Variants in ARHGAP24 observed in about 807,000 individuals in gnomAD.
ARHGAP24 encodes rho GTPase-activating protein 24.
In ARHGAP24, 50 loss-of-function variants were observed where a neutral mutation model predicts 76.4. That is an observed-to-expected ratio of 0.65 (90% CI 0.52 to 0.83). The LOEUF (loss-of-function observed/expected upper bound fraction) is 0.83, where lower values mean the gene tolerates loss of function less well. ARHGAP24 is among the 40% of genes least tolerant of loss of function. ARHGAP24 has a pLI of 0.00. For missense variants in ARHGAP24, 930 were observed against 914.2 expected (o/e 1.02, Z -0.22); for synonymous variants, 345 against 323.3 (o/e 1.07, Z -0.72).
chr4:85,705,442 G>A lies in ARHGAP24; in HGVS notation c.181-16443G>A, dbSNP rs59598592. Among the ~76,000 whole-genome samples, 1,490 of 152,178 alleles carry A rather than the reference G, an allele frequency of 9.8e-3. 25 individuals are homozygous for A. Among genetic ancestry groups the A allele is most frequent in the African/African-American group, 0.033 (1,384 of 41,522 alleles). ...GACTTGCATGCATGTAAATATTCACGTGGGAAGTGACTACACACTCACTGT... is the reference window on the plus strand; with the variant it reads ...GACTTGCATGCATGTAAATATTCACATGGGAAGTGACTACACACTCACTGT... On this transcript the variant is annotated intron_variant, in intron 2 of 9. Transcript: ENST00000395184.
chr4:85,833,179 C>G (rs905300157), intron 3 of ARHGAP24, among the ~76,000 whole-genome samples: 3 of 152,196 alleles, frequency 2.0e-5, no homozygotes, highest in Admixed American at 1.3e-4. Context: ...TACCATCACT[C>G]TCTCTGGTAT....
At chr4:85,866,051 TTGTC>T (rs1205408137) in intron 3 of ARHGAP24, among the ~76,000 whole-genome samples, 1 of 152,146 alleles carries the variant, frequency 6.6e-6, no homozygotes, top group Non-Finnish European at 1.5e-5. Flanking sequence ...TTGAATGAGA[TTGTC>T]TGAGATTCTC....
Position 85,502,383 on chromosome 4 carries a change from T to A in ARHGAP24, c.-21+26824T>A, listed in dbSNP as rs564302790. Among the ~76,000 whole-genome samples the A allele has an allele frequency of 1.1e-4, 17 of 152,326 alleles. No homozygotes were observed. In the East Asian group the frequency reaches 2.3e-3, roughly 21 times the overall value. On this transcript the variant is annotated intron_variant, in intron 1 of 9. Coordinates refer to ENST00000395184, the MANE Select transcript of ARHGAP24 (RefSeq NM_001025616.3). ...TGGAATGTTCTTCCATTTGTTTGTGTCCTCTTTTATTTTGTTGAGCAGTGG... is the reference window on the plus strand; with the variant it reads ...TGGAATGTTCTTCCATTTGTTTGTGACCTCTTTTATTTTGTTGAGCAGTGG...
chr4:85,882,191 G>A (rs1480912380), intron 3 of ARHGAP24, among the ~76,000 whole-genome samples: 1 of 152,084 alleles, frequency 6.6e-6, no homozygotes, highest in Admixed American at 6.5e-5. Flanking sequence ...ATATATTTGA[G>A]TTCCAAATCT....
chr4:85,874,782 A>G (rs1225582446), intron 3 of ARHGAP24, among the ~76,000 whole-genome samples: 1 of 58,702 alleles, frequency 1.7e-5, no homozygotes, highest in Non-Finnish European at 2.9e-5. Flanking sequence ...TATAAAATAT[A>G]TTTATATATA....
At chr4:85,715,058 A>G (rs1305848134) in intron 2 of ARHGAP24, among the ~76,000 whole-genome samples, 1 of 152,130 alleles carries the variant, frequency 6.6e-6, no homozygotes, top group East Asian at 1.9e-4. Context: ...AGAAATACCT[A>G]TGTTACAGAG....
At chr4:85,589,881 A>C (rs558265184) in intron 2 of ARHGAP24, among the ~76,000 whole-genome samples, 1 of 152,366 alleles carries the variant, frequency 6.6e-6, no homozygotes, top group South Asian at 2.1e-4. Flanking sequence ...TCTTAATTAT[A>C]AGTCTGGAAG....
intron 3 of ARHGAP24, among the ~76,000 whole-genome samples, chr4:85,775,795 T>C: frequency 6.6e-6 from 1 of 152,018 alleles, no homozygotes; most frequent in East Asian, 1.9e-4. Flanking sequence ...AGCAGGGGAA[T>C]TATGGGAAAT....
At chr4:85,763,847 G>A (rs557242199) in intron 3 of ARHGAP24, among the ~76,000 whole-genome samples, 1 of 151,958 alleles carries the variant, frequency 6.6e-6, no homozygotes, top group East Asian at 1.9e-4. Flanking sequence ...TTCTTACCAG[G>A]CATACAAGAA....
At chr4:85,486,763 A>G (rs1399845812) in intron 1 of ARHGAP24, among the ~76,000 whole-genome samples, 3 of 152,168 alleles carry the variant, frequency 2.0e-5, no homozygotes, top group Non-Finnish European at 4.4e-5. Flanking sequence ...GTTTCCATTC[A>G]ATGTAACTAA....
chr4:85,947,107 T>A (rs1737321479), intron 5 of ARHGAP24, among the ~76,000 whole-genome samples: 2 of 152,220 alleles, frequency 1.3e-5, no homozygotes, highest in South Asian at 4.1e-4. Flanking sequence ...TTTTCATATG[T>A]TTGTTGGCAT....
At chr4:85,745,026 A>G (rs1300894290) in intron 3 of ARHGAP24, among the ~76,000 whole-genome samples, 1 of 152,164 alleles carries the variant, frequency 6.6e-6, no homozygotes, top group Non-Finnish European at 1.5e-5. Flanking sequence ...TTAATTCCAA[A>G]CAATGTTTAA....
At chr4:85,980,282 C>T (rs573985554) in intron 8 of ARHGAP24, among the ~76,000 whole-genome samples, 1 of 152,116 alleles carries the variant, frequency 6.6e-6, no homozygotes, top group Non-Finnish European at 1.5e-5. Context: ...TACACATTTA[C>T]CTATTAAAGA....
chr4:85,783,829 G>T (rs574865541), intron 3 of ARHGAP24, among the ~76,000 whole-genome samples: 1 of 152,198 alleles, frequency 6.6e-6, no homozygotes, highest in South Asian at 2.1e-4. Context: ...TGGGCCACTG[G>T]TGTTTATGGA....
At chr4:85,593,075 G>T (rs551809587) in intron 2 of ARHGAP24, among the ~76,000 whole-genome samples, 1 of 152,024 alleles carries the variant, frequency 6.6e-6, no homozygotes, top group East Asian at 1.9e-4. Flanking sequence ...CCCACCAATG[G>T]CATATGAGGG....
chr4:85,649,039 G>C (rs1304527142), intron 2 of ARHGAP24, among the ~76,000 whole-genome samples: 1 of 148,964 alleles, frequency 6.7e-6, no homozygotes, highest in Non-Finnish European at 1.5e-5. Context: ...GTGTGTGTTT[G>C]TGTGTGTGTG....
intron 3 of ARHGAP24, among the ~76,000 whole-genome samples, chr4:85,774,604 A>G (rs879422283): frequency 2.5e-4 from 38 of 152,322 alleles, no homozygotes; most frequent in Admixed American, 2.4e-3. Flanking sequence ...CTAGTTAGGT[A>G]CATATATCCA....
At chr4:85,858,494 G>A (rs1376357636) in intron 3 of ARHGAP24, among the ~76,000 whole-genome samples, 3 of 152,126 alleles carry the variant, frequency 2.0e-5, no homozygotes, top group African/African-American at 7.2e-5. Context: ...AATAGCATTT[G>A]CCTGAAAATG....
chr4:85,601,946 AG>A (rs946067333), intron 2 of ARHGAP24, among the ~76,000 whole-genome samples: 2 of 152,120 alleles, frequency 1.3e-5, no homozygotes, highest in Non-Finnish European at 2.9e-5. Context: ...ATTTCCTAGG[AG>A]GCAAAACTGG....
Sources: gnomAD v4.1 joint callset for allele counts (sites outside exome capture counted in the v4.1 genomes callset) on GRCh38, gnomAD v4.1.1 for gene constraint, MANE v1.5 for transcripts, NCBI Gene and HGNC (gene_info 2026-07-23, HGNC 2026-07-21) for gene names.